The following ACBD7 variants were observed in gnomAD, a reference collection of about 807,000 sequenced individuals.
ACBD7 encodes acyl-CoA binding domain containing 7, also known as acyl-CoA-binding domain-containing protein 7.
ACBD7 carries 11 observed loss-of-function variants against 13.7 expected under a neutral mutation model. That is an observed-to-expected ratio of 0.80 (90% confidence interval 0.50 to 1.33). ACBD7 has a LOEUF of 1.33. Ranked by LOEUF, ACBD7 falls within the 40% of genes most tolerant of loss-of-function variation. The pLI is 0.00. For missense variants in ACBD7, 111 were observed against 103.0 expected (o/e 1.08, Z -0.33); for synonymous variants, 43 against 37.7 (o/e 1.14, Z -0.51).
intron 2 of ACBD7, 33 bp downstream of exon 2, chr10:15,078,888 CAT>C (rs748294521): frequency 1.2e-4 from 142 of 1,199,298 alleles, no homozygotes; most frequent in Admixed American, 4.9e-4. Context: ...TTAATTGTAA[CAT>C]ATGAATATAT....
In ACBD7 at chr10:15,077,874, AAAAAC is replaced by A. The variant is rs1844702116; in HGVS notation, c.*651_*655del. ...GGTGACAGAGTGAGACTCCTCAAGAAAAAACAAACAAACAAACAAAAACTGCAACT... is the reference window on the plus strand; with the variant it reads ...GGTGACAGAGTGAGACTCCTCAAGAAAAACAAACAAACAAAAACTGCAACT... On this transcript the variant is annotated 3_prime_UTR_variant, in exon 4 of 4. Coordinates refer to ENST00000356189, the MANE Select transcript of ACBD7 (RefSeq NM_001039844.3). 6.6e-6 allele frequency: 1 copy of A among 152,322 alleles called. No homozygotes were observed. The highest frequency in any genetic ancestry group is 2.1e-4 in the South Asian group (1 of 4,836). The allele number at this position is 152,322 out of a possible 1,614,324, so 9.4% of individuals were successfully genotyped here.
chr10:15,079,368 G>T (rs975653619), intron 1 of ACBD7, among the ~76,000 whole-genome samples: 4 of 149,886 alleles, frequency 2.7e-5, no homozygotes, highest in African/African-American at 7.4e-5. Context: ...TCTACTTCTG[G>T]GGCTCAAGCC....
In ACBD7 at chr10:15,088,735, G is replaced by A. The variant is rs751117043; in HGVS notation, c.-7C>T. ...CGGGTACCTGCAGGGCCATGGTGGC[G>A]GCTGCCGCGTTGTTGCTGCTGCTGT... On this transcript the variant is annotated 5_prime_UTR_variant, in exon 1 of 4. Transcript: ENST00000356189. The A allele has an allele frequency of 1.3e-6, 2 of 1,598,184 alleles. No individual in the cohort carries two copies. Among genetic ancestry groups the A allele is most frequent in the South Asian group, 1.1e-5 (1 of 89,706 alleles).
chr10:15,085,317 T>C (rs1220791918), intron 1 of ACBD7, among the ~76,000 whole-genome samples: 1 of 152,232 alleles, frequency 6.6e-6, no homozygotes, highest in Non-Finnish European at 1.5e-5. Context: ...ACATCCTGGG[T>C]GCATCCTTCC....
chr10:15,079,070 G>T lies in ACBD7; in HGVS notation c.13-30C>A. 1.3e-6 allele frequency: 2 copies of T among 1,515,050 alleles called. 1 individual carries two copies. The highest frequency in any genetic ancestry group is 1.8e-6 in the Non-Finnish European group (2 of 1,103,768). 93.9% of individuals were successfully genotyped at this position (1,515,050 alleles called of 1,614,324 possible). On this transcript the variant is annotated intron_variant, in intron 1 of 3. Transcript: ENST00000356189. ...AGGAAGAACAAACAAACAAACAAAA[G>T]GAGCATTTTACCACCAAGGAATAGG...
chr10:15,083,380 C>T (rs762476922), intron 1 of ACBD7, among the ~76,000 whole-genome samples: 1 of 152,252 alleles, frequency 6.6e-6, no homozygotes, highest in Admixed American at 6.5e-5. Context: ...TTGAGACACA[C>T]TGCCCTGGGA....
rs765123556 is a variant in ACBD7 at position 15,088,724 on chromosome 10, G to T, written c.5C>A (p.Ala2Asp). The T allele has an allele frequency of 1.3e-5, 21 of 1,598,754 alleles. No individual in the cohort carries two copies. In the African/African-American group the frequency reaches 1.6e-4, roughly 13 times the overall value. M[A>D]LQADFDRAAE... is the part of the protein sequence containing the mutation. ...TCCCCGCGCCCCGGGTACCTGCAGG[G>T]CCATGGTGGCGGCTGCCGCGTTGTT... Residue 2 changes from alanine (A) to aspartate (D), a missense_variant, in exon 1 of 4, where the codon GCC becomes GAC. Ala to Asp is a moderately radical substitution (Grantham distance 126). Coordinates refer to ENST00000356189, the MANE Select transcript of ACBD7 (RefSeq NM_001039844.3).
At chr10:15,082,283 C>CA (rs78001272) in intron 1 of ACBD7, among the ~76,000 whole-genome samples, 17,065 of 65,132 alleles carry the variant, frequency 0.26, 1,918 homozygotes, top group African/African-American at 0.35. Context: ...AAGACTATCT[C>CA]AAAAAAAAAA....
chr10:15,082,965 G>A (rs1191548287), intron 1 of ACBD7, among the ~76,000 whole-genome samples: 2 of 151,958 alleles, frequency 1.3e-5, no homozygotes, highest in East Asian at 1.9e-4. Context: ...TTGAACCCAG[G>A]AGCAGAGGTT....
At chr10:15,085,161 G>A (rs1428211095) in intron 1 of ACBD7, among the ~76,000 whole-genome samples, 1 of 152,170 alleles carries the variant, frequency 6.6e-6, no homozygotes, top group East Asian at 1.9e-4. Flanking sequence ...TTATCTCCCG[G>A]TCACCCGAGC....
In ACBD7 at chr10:15,087,811, T is replaced by TAA. The variant is rs747172396; in HGVS notation, c.12+904_12+905dup. Among the ~76,000 whole-genome samples, 28 of 130,492 alleles carry TAA rather than the reference T, an allele frequency of 2.1e-4. 1 individual carries two copies. Among genetic ancestry groups the TAA allele is most frequent in the Middle Eastern group, 3.8e-3 (1 of 262 alleles). The allele number at this position is 130,492 out of a possible 152,430, so 85.6% of individuals were successfully genotyped here. A position where few individuals can be genotyped will look rare whatever the true frequency, so the allele number is the denominator to read the frequency against. Reference sequence around the variant, plus strand: ...TGGGTGACAGAATGAGACTCCATCTTAAAAAAAAAAAAAAAAAATTACAAA... The same window carrying TAA: ...TGGGTGACAGAATGAGACTCCATCTTAAAAAAAAAAAAAAAAAAAATTACAAA... On this transcript the variant is annotated intron_variant, in intron 1 of 3. Coordinates refer to ENST00000356189, the MANE Select transcript of ACBD7 (RefSeq NM_001039844.3).
intron 1 of ACBD7, among the ~76,000 whole-genome samples, chr10:15,085,407 A>G (rs2131398174): frequency 6.6e-6 from 1 of 152,236 alleles, no homozygotes. Context: ...GGTGGCTCTC[A>G]CCTCACCTGA....
chr10:15,082,975 T>G (rs1844766656), intron 1 of ACBD7, among the ~76,000 whole-genome samples: 1 of 151,842 alleles, frequency 6.6e-6, no homozygotes, highest in South Asian at 2.1e-4. Context: ...GAGCAGAGGT[T>G]GCAGTGAGCC....
At chr10:15,081,756 C>A (rs181944277) in intron 1 of ACBD7, among the ~76,000 whole-genome samples, 36 of 152,286 alleles carry the variant, frequency 2.4e-4, no homozygotes, top group Admixed American at 1.1e-3. Context: ...TTGTGAAGAG[C>A]ACAATCACCT....
intron 1 of ACBD7, among the ~76,000 whole-genome samples, chr10:15,082,190 G>C (rs1430436067): frequency 1.3e-5 from 2 of 151,148 alleles, no homozygotes; most frequent in Non-Finnish European, 2.9e-5. Flanking sequence ...GGAGGCTGAG[G>C]CAGGAGAATC....
At position 15,088,776 on chromosome 10, in the gene ACBD7, T is replaced by C; in HGVS notation, c.-48A>G. 1.3e-6 allele frequency: 2 copies of C among 1,593,376 alleles called. No individual in the cohort carries two copies. Among genetic ancestry groups the C allele is most frequent in the Non-Finnish European group, 1.7e-6 (2 of 1,173,296 alleles). ...CTGCTGCTGTTGTCGTCCGGTGCTCTGCCCCCTCTCGCACCCACCGCTTCT... is the reference window on the plus strand; with the variant it reads ...CTGCTGCTGTTGTCGTCCGGTGCTCCGCCCCCTCTCGCACCCACCGCTTCT... On this transcript the variant is annotated 5_prime_UTR_variant, in exon 1 of 4. Transcript: ENST00000356189.
In ACBD7 at chr10:15,076,298, G is replaced by C. The variant is rs1844681127; in HGVS notation, c.*2232C>G. On this transcript the variant is annotated 3_prime_UTR_variant, in exon 4 of 4. Coordinates refer to ENST00000356189, the MANE Select transcript of ACBD7 (RefSeq NM_001039844.3). ...CCTGTGTACCATCCAGAAAGACTGA[G>C]TAGGGGGCCAATATTATATTCCAGA... 2 of 985,136 alleles carry C rather than the reference G, an allele frequency of 2.0e-6. No homozygotes were observed. The highest frequency in any genetic ancestry group is 2.4e-6 in the Non-Finnish European group (2 of 829,868). The allele number at this position is 985,136 out of a possible 1,614,324, so 61.0% of individuals were successfully genotyped here.
At chr10:15,087,127 C>T (rs112925338) in intron 1 of ACBD7, among the ~76,000 whole-genome samples, 15,227 of 152,100 alleles carry the variant, frequency 0.1, 816 homozygotes, top group Middle Eastern at 0.19. Context: ...CTGCAGTGAG[C>T]TGAGATCATG....
At chr10:15,083,952 G>C (rs1844778528) in intron 1 of ACBD7, among the ~76,000 whole-genome samples, 1 of 152,224 alleles carries the variant, frequency 6.6e-6, no homozygotes. Flanking sequence ...CTCATAGCCT[G>C]GTGGGAGATG....
Sources: allele counts gnomAD v4.1 joint callset (sites outside exome capture counted in the v4.1 genomes callset), GRCh38; gene constraint gnomAD v4.1.1; transcripts MANE v1.5; gene names NCBI Gene and HGNC (gene_info 2026-07-23, HGNC 2026-07-21).